Variants in EPM2A observed in about 807,000 individuals in gnomAD.
EPM2A encodes the protein laforin.
EPM2A carries 21 observed loss-of-function variants against 26.5 expected under a neutral mutation model. The observed-to-expected ratio is 0.79, with a 90% CI of 0.56 to 1.14. EPM2A has a LOEUF of 1.14. Among genes scored for constraint, EPM2A ranks in the 50% most tolerant of loss-of-function variants. The pLI is 0.00. For missense variants in EPM2A, 458 were observed against 440.8 expected, an observed-to-expected ratio of 1.04 and a Z score of -0.35; for synonymous variants, 217 against 177.6, an observed-to-expected ratio of 1.22 and a Z score of -1.76.
intron 4 of EPM2A, among the ~76,000 whole-genome samples, chr6:145,469,188 G>A (rs1329973762): frequency 2.6e-5 from 4 of 151,826 alleles, no homozygotes; most frequent in Non-Finnish European, 5.9e-5. Context: ...AACACAGGAG[G>A]AACTATCAAA....
intron 2 of EPM2A, among the ~76,000 whole-genome samples, chr6:145,614,751 G>A (rs1264337473): frequency 1.3e-5 from 2 of 152,230 alleles, no homozygotes; most frequent in South Asian, 2.1e-4. Context: ...CACAGTTCAT[G>A]GCACCCCAAA....
At chr6:145,465,723 C>G (rs1034458698) in intron 4 of EPM2A, among the ~76,000 whole-genome samples, 52 of 152,064 alleles carry the variant, frequency 3.4e-4, no homozygotes, top group South Asian at 6.2e-4. Context: ...TTGGAGTACC[C>G]GGCCGTGTGA....
intron 4 of EPM2A, among the ~76,000 whole-genome samples, chr6:145,473,477 G>T (rs182595523): frequency 7.7e-4 from 117 of 152,130 alleles, no homozygotes; most frequent in African/African-American, 2.5e-3. Context: ...CAGAGAAAAA[G>T]ATAGAGGTAG....
chr6:145,635,282 G>A lies in EPM2A; in HGVS notation c.681C>T (p.Ala227=), dbSNP rs61758156. The part of the protein sequence containing the change: ...MIKLYREEGL[A]YIWMPTPDMS... ...TATCTGGTGTTGGCATCCAGATGTA[G>A]GCCAAGCCTTCTTCCCTATATAGTT... Residue 227 remains alanine, a synonymous_variant, in exon 3 of 4, where the codon GCC becomes GCT. Transcript: ENST00000367519. 169 of 1,614,070 alleles carry A rather than the reference G, an allele frequency of 1.0e-4. No individual in the cohort carries two copies. The African/African-American group carries it at 2.1e-3, about 20-fold the overall frequency.
intron 2 of EPM2A, among the ~76,000 whole-genome samples, chr6:145,685,826 G>A (rs1040154939): frequency 5.3e-5 from 8 of 152,136 alleles, no homozygotes; most frequent in Admixed American, 3.9e-4. Context: ...CTATTTTAGT[G>A]TAGTTCTTAT....
At chr6:145,406,022 G>GAC (rs1230351685) in intron 4 of EPM2A, among the ~76,000 whole-genome samples, 271 of 135,084 alleles carry the variant, frequency 2.0e-3, no homozygotes, top group African/African-American at 7.1e-3. Flanking sequence ...ACAACAGACA[G>GAC]ACACACACAC....
At chr6:145,696,719 T>C (rs138533092) in intron 1 of EPM2A, among the ~76,000 whole-genome samples, 1 of 150,864 alleles carries the variant, frequency 6.6e-6, no homozygotes, top group Non-Finnish European at 1.5e-5. Flanking sequence ...AAAGAAAATA[T>C]CAAATATGAT....
intron 1 of EPM2A, among the ~76,000 whole-genome samples, chr6:145,713,175 A>G (rs1253545600): frequency 6.6e-6 from 1 of 152,138 alleles, no homozygotes; most frequent in African/African-American, 2.4e-5. Context: ...CAATGAAGTA[A>G]AGCACTGTAC....
chr6:145,403,758 C>T (rs1280911310), intron 4 of EPM2A, among the ~76,000 whole-genome samples: 1 of 152,014 alleles, frequency 6.6e-6, no homozygotes, highest in Non-Finnish European at 1.5e-5. Flanking sequence ...ATAATGATTT[C>T]CTTTCTTTTG....
chr6:145,539,901 G>C (rs1055628073), intron 2 of EPM2A, among the ~76,000 whole-genome samples: 12 of 152,100 alleles, frequency 7.9e-5, no homozygotes, highest in African/African-American at 2.9e-4. Context: ...TTTCTTGTCA[G>C]GCTCTGGGCC....
intron 1 of EPM2A, among the ~76,000 whole-genome samples, chr6:145,687,224 A>C (rs1780987037): frequency 6.6e-6 from 1 of 151,968 alleles, no homozygotes; most frequent in Non-Finnish European, 1.5e-5. Context: ...CTCCCTTATA[A>C]AAGAGGGGTG....
intron 2 of EPM2A, among the ~76,000 whole-genome samples, chr6:145,643,451 T>A (rs1777231882): frequency 6.6e-6 from 1 of 152,236 alleles, no homozygotes; most frequent in African/African-American, 2.4e-5. Context: ...ATACACTGGA[T>A]ATGTAGCCCA....
At chr6:145,480,613 C>A (rs1779601928) in intron 4 of EPM2A, among the ~76,000 whole-genome samples, 1 of 152,112 alleles carries the variant, frequency 6.6e-6, no homozygotes, top group Non-Finnish European at 1.5e-5. Flanking sequence ...TTGACTTGTA[C>A]AATCAAGTCC....
intron 4 of EPM2A, among the ~76,000 whole-genome samples, chr6:145,482,980 G>T (rs1270497887): frequency 6.6e-6 from 1 of 151,380 alleles, no homozygotes; most frequent in African/African-American, 2.4e-5. Context: ...AAAACTGTTT[G>T]TTGTCTTGAC....
At chr6:145,616,016 C>T (rs1775504809) in intron 2 of EPM2A, among the ~76,000 whole-genome samples, 1 of 152,142 alleles carries the variant, frequency 6.6e-6, no homozygotes, top group Non-Finnish European at 1.5e-5. Context: ...AGGCAAGCTG[C>T]AGAAATTTGC....
At chr6:145,721,501 A>G (rs1775947187) in intron 1 of EPM2A, 1 of 152,258 alleles carries the variant, frequency 6.6e-6, no homozygotes, top group South Asian at 2.1e-4. Context: ...AAGACTTCTC[A>G]CACCTGGTGA....
rs1327388793 is a variant in EPM2A, at chr6:145,625,784, G to A, written c.*1632C>T. 2 of 1,401,890 alleles carry A rather than the reference G, an allele frequency of 1.4e-6. No homozygotes were observed. Among genetic ancestry groups the A allele is most frequent in the Non-Finnish European group, 2.0e-6 (2 of 997,250 alleles). 86.8% of individuals were successfully genotyped at this position (1,401,890 alleles called of 1,614,324 possible). A position where few individuals can be genotyped will look rare whatever the true frequency, so the allele number is the denominator to read the frequency against. ...CCACAGTTCTATCTCCCCGTCCTCT[G>A]AGCTCCACTGAAACTTACCTTGTAT... On this transcript the variant is annotated 3_prime_UTR_variant, in exon 4 of 4. Coordinates refer to ENST00000367519, the MANE Select transcript of EPM2A (RefSeq NM_005670.4).
At chr6:145,667,376 A>G (rs1163311190) in intron 2 of EPM2A, among the ~76,000 whole-genome samples, 2 of 146,376 alleles carry the variant, frequency 1.4e-5, no homozygotes, top group African/African-American at 5.5e-5. Flanking sequence ...ACACTTCTCA[A>G]AAGAAGATAT....
At chr6:145,584,821 C>T (rs753127905) in intron 2 of EPM2A, among the ~76,000 whole-genome samples, 1 of 152,202 alleles carries the variant, frequency 6.6e-6, no homozygotes, top group Non-Finnish European at 1.5e-5. Flanking sequence ...TCAATGCCTT[C>T]CCTCTGAAGA....
Sources: gnomAD v4.1 joint callset for allele counts (sites outside exome capture counted in the v4.1 genomes callset) on GRCh38, gnomAD v4.1.1 for gene constraint, MANE v1.5 for transcripts, NCBI Gene and HGNC (gene_info 2026-07-23, HGNC 2026-07-21) for gene names.